Variants in SCAPER observed in about 807,000 individuals in gnomAD.
SCAPER encodes the protein S phase cyclin A-associated protein in the endoplasmic reticulum.
In SCAPER, 98 loss-of-function variants were observed where a neutral mutation model predicts 182.2. The ratio of observed to expected loss-of-function variants is 0.54; its 90% CI spans 0.46 to 0.64. SCAPER has a LOEUF of 0.64. Among genes scored for constraint, SCAPER ranks in the 30% least tolerant of loss-of-function variants. The pLI is 0.00. For synonymous variants in SCAPER, 605 were observed against 564.6 expected (o/e 1.07, Z -1.01); for missense variants, 1,432 against 1,690.0 (o/e 0.85, Z 2.68).
At chr15:76,893,792 T>C (rs1304655736) in intron 1 of SCAPER, among the ~76,000 whole-genome samples, 1 of 151,928 alleles carries the variant, frequency 6.6e-6, no homozygotes, top group Admixed American at 6.6e-5. Flanking sequence ...TATGTGGAAA[T>C]TAAACAACAC....
chr15:76,842,744 T>C (rs2151782802), intron 4 of SCAPER, among the ~76,000 whole-genome samples: 1 of 152,256 alleles, frequency 6.6e-6, no homozygotes, highest in East Asian at 1.9e-4. Flanking sequence ...TATTATTACC[T>C]CCACTTTACA....
At chr15:76,823,970 G>A (rs578038181) in intron 5 of SCAPER, among the ~76,000 whole-genome samples, 4 of 151,374 alleles carry the variant, frequency 2.6e-5, no homozygotes, top group Admixed American at 2.0e-4. Flanking sequence ...TCAGAAATTT[G>A]TTGGCAAAGA....
rs186324990 is a variant in SCAPER at position 76,731,726 on chromosome 15, T to C, written c.2022+1503A>G. On this transcript the variant is annotated intron_variant, in intron 16 of 31. Transcript: ENST00000563290. ...GCATATGTAGACAGGTTTAAAATCT[T>C]TCACTGAAATTAAATCCATAGGAAA... Among the ~76,000 whole-genome samples the C allele has an allele frequency of 1.8e-3, 274 of 152,348 alleles. 5 individuals carry two copies. Among genetic ancestry groups the C allele is most frequent in the African/African-American group, 6.3e-3 (264 of 41,582 alleles).
chr15:76,370,312 T>TTG (rs1191780361), intron 29 of SCAPER, among the ~76,000 whole-genome samples: 1 of 83,594 alleles, frequency 1.2e-5, no homozygotes, highest in African/African-American at 3.2e-5. Context: ...TTTTTTTTTT[T>TTG]TTTTGTTTTA....
At chr15:76,359,423 T>C (rs920435142) in intron 29 of SCAPER, among the ~76,000 whole-genome samples, 1 of 152,214 alleles carries the variant, frequency 6.6e-6, no homozygotes, top group Non-Finnish European at 1.5e-5. Context: ...GAGTAGGAAA[T>C]GTATTCTGAC....
At chr15:76,492,499 G>C (rs960632019) in intron 24 of SCAPER, among the ~76,000 whole-genome samples, 1 of 152,014 alleles carries the variant, frequency 6.6e-6, no homozygotes, top group Non-Finnish European at 1.5e-5. Flanking sequence ...TAAATGTATA[G>C]TACTCATCAG....
chr15:76,793,162 T>C (rs2065107764), intron 8 of SCAPER: 7 of 978,810 alleles, frequency 7.2e-6, no homozygotes, highest in Middle Eastern at 2.3e-4. Context: ...CTAGAATTAT[T>C]TTTTATAACA....
At chr15:76,363,287 A>G (rs2041577208) in intron 29 of SCAPER, among the ~76,000 whole-genome samples, 1 of 152,228 alleles carries the variant, frequency 6.6e-6, no homozygotes, top group Admixed American at 6.5e-5. Flanking sequence ...TGAATGACTG[A>G]GGACCAAATC....
chr15:76,877,023 T>G (rs552136683), intron 2 of SCAPER, among the ~76,000 whole-genome samples: 1 of 151,986 alleles, frequency 6.6e-6, no homozygotes, highest in South Asian at 2.1e-4. Flanking sequence ...ATTGCTTGAG[T>G]CCAGGAGTTC....
At chr15:76,388,159 C>A (rs528253693) in intron 27 of SCAPER, among the ~76,000 whole-genome samples, 3 of 152,164 alleles carry the variant, frequency 2.0e-5, no homozygotes, top group Admixed American at 2.0e-4. Context: ...ATAATGTCAC[C>A]CAAGGAATAT....
At chr15:76,412,181 G>A (rs1347723546) in intron 26 of SCAPER, among the ~76,000 whole-genome samples, 1 of 152,138 alleles carries the variant, frequency 6.6e-6, no homozygotes, top group South Asian at 2.1e-4. Context: ...CCCTTGATCA[G>A]AAATCAACTG....
At chr15:76,709,482 T>A (rs2059448328) in intron 17 of SCAPER, among the ~76,000 whole-genome samples, 1 of 152,124 alleles carries the variant, frequency 6.6e-6, no homozygotes, top group South Asian at 2.1e-4. Context: ...GACAAATTCC[T>A]AGGAAGACAT....
intron 2 of SCAPER, among the ~76,000 whole-genome samples, chr15:76,877,892 A>T (rs1337974360): frequency 6.6e-6 from 1 of 152,246 alleles, no homozygotes; most frequent in African/African-American, 2.4e-5. Context: ...TACTGTATGA[A>T]TGTTAAATTT....
At chr15:76,525,003 T>C (rs577981190) in intron 23 of SCAPER, among the ~76,000 whole-genome samples, 1 of 152,318 alleles carries the variant, frequency 6.6e-6, no homozygotes, top group East Asian at 1.9e-4. Flanking sequence ...ACCTAAAAAA[T>C]ATATAGGCAT....
rs2045838683 is a variant in SCAPER, at chr15:76,552,235, T to C, written c.2838+21923A>G. 2.0e-5 allele frequency among the ~76,000 whole-genome samples: 3 copies of C among 152,108 alleles called. No homozygotes were observed. In the South Asian group the frequency reaches 6.2e-4, roughly 32 times the overall value. ...AAGTTTGAGGTTGCAGTGAGCTGAC[T>C]GCGTCACTGCACTCCCACCTGGGCA... is the stretch of plus-strand genomic sequence containing the variant. On this transcript the variant is annotated intron_variant, in intron 23 of 31. Coordinates refer to ENST00000563290, the MANE Select transcript of SCAPER (RefSeq NM_020843.4).
At chr15:76,805,429 GCTTT>G (rs1226339204) in intron 5 of SCAPER, among the ~76,000 whole-genome samples, 3 of 152,088 alleles carry the variant, frequency 2.0e-5, no homozygotes, top group Admixed American at 6.5e-5. Flanking sequence ...AAAACTTGCT[GCTTT>G]CTGACTTTTT....
intron 26 of SCAPER, among the ~76,000 whole-genome samples, chr15:76,427,662 A>G (rs2142436799): frequency 6.6e-6 from 1 of 152,306 alleles, no homozygotes; most frequent in Non-Finnish European, 1.5e-5. Flanking sequence ...CCTGAAAAAC[A>G]TAATGAGACC....
chr15:76,858,776 T>A (rs1280969909), intron 3 of SCAPER, among the ~76,000 whole-genome samples: 1 of 152,074 alleles, frequency 6.6e-6, no homozygotes, highest in Non-Finnish European at 1.5e-5. Context: ...TCCAGCTCCA[T>A]CCATATTGCT....
chr15:76,770,984 T>C (rs2063436024), intron 10 of SCAPER, among the ~76,000 whole-genome samples: 1 of 152,136 alleles, frequency 6.6e-6, no homozygotes, highest in Non-Finnish European at 1.5e-5. Flanking sequence ...CTATAAAATG[T>C]ATAATTTTAC....
Sources: gnomAD v4.1 joint callset for allele counts (sites outside exome capture counted in the v4.1 genomes callset) on GRCh38, gnomAD v4.1.1 for gene constraint, MANE v1.5 for transcripts, NCBI Gene and HGNC (gene_info 2026-07-23, HGNC 2026-07-21) for gene names.